The following KSR2 variants were observed in gnomAD, a reference collection of about 807,000 sequenced individuals.
KSR2 encodes the protein kinase suppressor of ras 2.
KSR2 carries 25 observed loss-of-function variants against 107.8 expected under a neutral mutation model. The ratio of observed to expected loss-of-function variants is 0.23; its 90% CI spans 0.17 to 0.32. The LOEUF is 0.32. KSR2 is among the 10% of genes least tolerant of loss of function. The pLI is 1.00. For synonymous variants in KSR2, 480 were observed against 507.0 expected (o/e 0.95, Z 0.71); for missense variants, 887 against 1,268.9 (o/e 0.70, Z 4.57).
intron 3 of KSR2, among the ~76,000 whole-genome samples, chr12:117,798,362 G>T (rs1446618071): frequency 6.6e-6 from 1 of 152,226 alleles, no homozygotes; most frequent in African/African-American, 2.4e-5. Context: ...GCTGGGTGTG[G>T]TGGCTCACGC....
intron 3 of KSR2, among the ~76,000 whole-genome samples, chr12:117,784,348 G>T (rs566107356): frequency 5.0e-4 from 76 of 152,304 alleles, no homozygotes; most frequent in Non-Finnish European, 8.8e-4. Flanking sequence ...TCTCTTGCCT[G>T]CCACCATGTA....
chr12:117,511,446 T>C (rs1380023012), intron 14 of KSR2, among the ~76,000 whole-genome samples: 1 of 152,204 alleles, frequency 6.6e-6, no homozygotes, highest in Non-Finnish European at 1.5e-5. Flanking sequence ...ATGCATTCTT[T>C]AAGATGACCC....
chr12:117,496,743 G>T (rs573170710), intron 14 of KSR2, among the ~76,000 whole-genome samples: 1 of 152,066 alleles, frequency 6.6e-6, no homozygotes, highest in Non-Finnish European at 1.5e-5. Context: ...ACTGTGGTCT[G>T]CCAAAGGCCC....
intron 3 of KSR2, among the ~76,000 whole-genome samples, chr12:117,834,307 C>T (rs550708052): frequency 6.6e-6 from 1 of 151,924 alleles, no homozygotes. Flanking sequence ...TTGAGTACAA[C>T]TCTGTCCTTC....
intron 1 of KSR2, among the ~76,000 whole-genome samples, chr12:117,934,294 C>T (rs765696826): frequency 6.6e-6 from 1 of 152,082 alleles, no homozygotes. Context: ...ATGACAACAC[C>T]GCTCCCTTTT....
chr12:117,581,311 C>T (rs1005171309), intron 6 of KSR2, among the ~76,000 whole-genome samples: 1 of 152,060 alleles, frequency 6.6e-6, no homozygotes, highest in South Asian at 2.1e-4. Context: ...ACTATCTGAC[C>T]CTCCCCTAGA....
chr12:117,680,338 T>A (rs1433121093), intron 4 of KSR2, among the ~76,000 whole-genome samples: 1 of 152,234 alleles, frequency 6.6e-6, no homozygotes, highest in Admixed American at 6.5e-5. Flanking sequence ...AAATTGAATA[T>A]TCTTCTCATC....
chr12:117,690,312 TCAGTA>T (rs1270115324), intron 4 of KSR2, among the ~76,000 whole-genome samples: 1 of 152,098 alleles, frequency 6.6e-6, no homozygotes, highest in African/African-American at 2.4e-5. Context: ...ACCTGTAATC[TCAGTA>T]CTTTGGGAGG....
In KSR2 at chr12:117,667,571, C is replaced by CG; in HGVS notation, c.1073dup (p.Leu359AlafsTer27). The CG allele has an allele frequency of 6.2e-7, 1 of 1,613,204 alleles. No homozygotes were observed. The highest frequency in any genetic ancestry group is 2.2e-5 in the East Asian group (1 of 44,856). On this transcript the variant is annotated frameshift_variant, in exon 5 of 20. Transcript: ENST00000339824. LOFTEE classifies it high-confidence loss of function. ...AGCGGAGGGAGCGCTCGGACAGCAG[C>CG]GGGGAGCGCTGCTGAGAGGGGATGT...
At chr12:117,479,074 G>A (rs1325543505) in intron 16 of KSR2, among the ~76,000 whole-genome samples, 1 of 152,180 alleles carries the variant, frequency 6.6e-6, no homozygotes, top group Non-Finnish European at 1.5e-5. Context: ...CAGTGCTGCA[G>A]TGACATTCAC....
chr12:117,769,776 A>T (rs1256227435), intron 3 of KSR2, among the ~76,000 whole-genome samples: 4 of 152,048 alleles, frequency 2.6e-5, no homozygotes, highest in African/African-American at 7.2e-5. Flanking sequence ...CAGTCCTGCC[A>T]GGTGCGGTGG....
At chr12:117,479,725 A>C (rs758517175) in intron 16 of KSR2, among the ~76,000 whole-genome samples, 6 of 152,218 alleles carry the variant, frequency 3.9e-5, no homozygotes, top group Non-Finnish European at 8.8e-5. Flanking sequence ...TACACAAAAG[A>C]CATGATACAC....
At chr12:117,848,595 C>T (rs538517324) in intron 3 of KSR2, among the ~76,000 whole-genome samples, 13 of 152,200 alleles carry the variant, frequency 8.5e-5, no homozygotes, top group African/African-American at 2.7e-4. Context: ...TGAGGGAGAC[C>T]GTGGCTCAGA....
At chr12:117,830,005 C>A (rs973701442) in intron 3 of KSR2, among the ~76,000 whole-genome samples, 3 of 152,148 alleles carry the variant, frequency 2.0e-5, no homozygotes, top group Non-Finnish European at 2.9e-5. Flanking sequence ...CAGTGGCTCA[C>A]GTCTGTAATC....
intron 19 of KSR2, among the ~76,000 whole-genome samples, 167 bp downstream of exon 19, chr12:117,469,495 C>T (rs1332329688): frequency 6.6e-6 from 1 of 152,152 alleles, no homozygotes; most frequent in Admixed American, 6.5e-5. Flanking sequence ...AACCCCAAAA[C>T]AGACTCCATT....
At chr12:117,848,841 GTGATGGTGATGATGGTGA>G (rs56730615) in intron 3 of KSR2, among the ~76,000 whole-genome samples, 1 of 141,778 alleles carries the variant, frequency 7.1e-6, no homozygotes, top group African/African-American at 2.7e-5. Flanking sequence ...GGTAGTGGTG[GTGATGGTGATGATGGTGA>G]TGATGGTGAT....
At chr12:117,905,185 A>C (rs1379677868) in intron 1 of KSR2, among the ~76,000 whole-genome samples, 1 of 152,164 alleles carries the variant, frequency 6.6e-6, no homozygotes, top group Non-Finnish European at 1.5e-5. Context: ...CCATCTCAAA[A>C]ATAACATAAC....
At chr12:117,881,334 G>A (rs1894021579) in intron 1 of KSR2, among the ~76,000 whole-genome samples, 1 of 152,148 alleles carries the variant, frequency 6.6e-6, no homozygotes, top group African/African-American at 2.4e-5. Flanking sequence ...GCTTGATGAG[G>A]AAGAGACAGA....
intron 1 of KSR2, 96 bp downstream of exon 1, chr12:117,967,980 T>G (rs934736719): frequency 8.8e-7 from 1 of 1,139,622 alleles, no homozygotes; most frequent in East Asian, 2.4e-5. Context: ...ATAAACAGAA[T>G]CAGAGGGAAA....
Sources: gnomAD v4.1 joint callset for allele counts (sites outside exome capture counted in the v4.1 genomes callset) on GRCh38, gnomAD v4.1.1 for gene constraint, MANE v1.5 for transcripts, NCBI Gene and HGNC (gene_info 2026-07-23, HGNC 2026-07-21) for gene names.